PTPRT: variants seen among roughly 807,000 people sequenced by gnomAD.
PTPRT encodes protein tyrosine phosphatase receptor type T.
Under a neutral mutation model 176.8 loss-of-function variants are expected in PTPRT, and 56 were observed. That is an observed-to-expected ratio of 0.32 (90% CI 0.26 to 0.40). The LOEUF (loss-of-function observed/expected upper bound fraction) is 0.40, where lower values mean the gene tolerates loss of function less well. Ranked by LOEUF, PTPRT falls within the 10% of genes least tolerant of loss-of-function variation. The pLI is 1.00. For missense variants in PTPRT, 1,540 were observed against 1,908.2 expected (o/e 0.81, Z 3.60); for synonymous variants, 783 against 739.0 (o/e 1.06, Z -0.96).
intron 6 of PTPRT, among the ~76,000 whole-genome samples, chr20:42,728,586 A>T (rs1480617031): frequency 2.0e-5 from 3 of 152,160 alleles, no homozygotes; most frequent in Non-Finnish European, 4.4e-5. Flanking sequence ...ACACATATAC[A>T]GTATCTCATT....
chr20:42,567,402 C>A (rs2073060474), intron 7 of PTPRT, among the ~76,000 whole-genome samples: 1 of 152,198 alleles, frequency 6.6e-6, no homozygotes, highest in Non-Finnish European at 1.5e-5. Context: ...AAATGCACTT[C>A]TCTTCACCTG....
chr20:42,924,071 T>C (rs1979333245), intron 1 of PTPRT, among the ~76,000 whole-genome samples: 1 of 152,136 alleles, frequency 6.6e-6, no homozygotes, highest in African/African-American at 2.4e-5. Context: ...GCCAAGCTGG[T>C]CTCGAACTCC....
intron 16 of PTPRT, among the ~76,000 whole-genome samples, chr20:42,195,325 TC>T (rs1991170375): frequency 6.6e-6 from 1 of 152,192 alleles, no homozygotes; most frequent in Non-Finnish European, 1.5e-5. Flanking sequence ...CAATGCTGCC[TC>T]AACATTTGTA....
intron 2 of PTPRT, among the ~76,000 whole-genome samples, chr20:42,873,145 C>T (rs1484212664): frequency 6.6e-6 from 1 of 152,192 alleles, no homozygotes; most frequent in Non-Finnish European, 1.5e-5. Flanking sequence ...CAGAGCAAGG[C>T]AGAGACAGAA....
chr20:42,776,844 T>C (rs2077144366), intron 4 of PTPRT, among the ~76,000 whole-genome samples: 1 of 148,890 alleles, frequency 6.7e-6, no homozygotes, highest in Non-Finnish European at 1.5e-5. Flanking sequence ...TATACTTCTA[T>C]ATAATGCTTG....
intron 6 of PTPRT, among the ~76,000 whole-genome samples, chr20:42,743,904 C>T (rs2076651165): frequency 6.6e-6 from 1 of 152,170 alleles, no homozygotes; most frequent in Non-Finnish European, 1.5e-5. Context: ...CATGAGAATC[C>T]TTTCTAAATG....
intron 1 of PTPRT, among the ~76,000 whole-genome samples, chr20:42,901,253 C>T (rs1202818872): frequency 1.3e-5 from 2 of 152,110 alleles, no homozygotes; most frequent in Non-Finnish European, 2.9e-5. Context: ...ATCACCCTCA[C>T]GACCTGGTGT....
rs1266809432 is a variant in PTPRT, at chr20:42,961,855, C to A, written c.89-75923G>T. ...CAGTGAGGCCCAATGTAATCACAAA[C>A]GTCCTTATAAGTGAAGGAGCGGGGC... On this transcript the variant is annotated intron_variant, in intron 1 of 30. Coordinates refer to ENST00000373187, the MANE Select transcript of PTPRT (RefSeq NM_007050.6). 2.0e-5 allele frequency among the ~76,000 whole-genome samples: 3 copies of A among 152,132 alleles called. No individual in the cohort carries two copies. In the East Asian group the frequency reaches 5.8e-4, roughly 29 times the overall value.
chr20:42,153,290 C>T (rs1000918458), intron 17 of PTPRT, among the ~76,000 whole-genome samples: 6 of 152,222 alleles, frequency 3.9e-5, no homozygotes, highest in African/African-American at 1.2e-4. Flanking sequence ...GATTAGTGTT[C>T]ATAAAATAGA....
intron 2 of PTPRT, among the ~76,000 whole-genome samples, chr20:42,842,098 A>G (rs2078289159): frequency 6.6e-6 from 1 of 152,226 alleles, no homozygotes; most frequent in South Asian, 2.1e-4. Context: ...TTGTTACAAG[A>G]AGACCTTCTC....
At chr20:42,096,878 T>C (rs756665255) in intron 27 of PTPRT, among the ~76,000 whole-genome samples, 6 of 150,400 alleles carry the variant, frequency 4.0e-5, no homozygotes, top group African/African-American at 4.9e-5. Flanking sequence ...GCCCAGCCTC[T>C]AGACCCATCT....
At chr20:42,594,604 T>C (rs947182360) in intron 7 of PTPRT, among the ~76,000 whole-genome samples, 2 of 152,226 alleles carry the variant, frequency 1.3e-5, no homozygotes, top group Non-Finnish European at 2.9e-5. Context: ...CTGAGAGATG[T>C]GCACAGTATT....
intron 1 of PTPRT, among the ~76,000 whole-genome samples, chr20:42,933,750 T>C (rs1315441733): frequency 1.3e-5 from 2 of 152,178 alleles, no homozygotes; most frequent in Non-Finnish European, 2.9e-5. Context: ...TTGATTTACT[T>C]TAAAATGCAA....
chr20:43,078,576 A>G, intron 1 of PTPRT, among the ~76,000 whole-genome samples: 1 of 152,216 alleles, frequency 6.6e-6, no homozygotes. Flanking sequence ...AAATGAAACA[A>G]CAAATGCAAG....
chr20:42,995,466 G>A (rs1984170370), intron 1 of PTPRT, among the ~76,000 whole-genome samples: 1 of 152,082 alleles, frequency 6.6e-6, no homozygotes, highest in South Asian at 2.1e-4. Context: ...ACCCAATTTA[G>A]GCATCCACTT....
intron 1 of PTPRT, among the ~76,000 whole-genome samples, chr20:43,099,124 C>G (rs989578448): frequency 6.7e-6 from 1 of 148,748 alleles, no homozygotes; most frequent in Non-Finnish European, 1.5e-5. Context: ...CACACACACA[C>G]CCTGGATATC....
At chr20:43,016,378 G>A (rs989489945) in intron 1 of PTPRT, among the ~76,000 whole-genome samples, 1 of 151,838 alleles carries the variant, frequency 6.6e-6, no homozygotes, top group African/African-American at 2.4e-5. Context: ...CTCTCCCTCT[G>A]TTACTTCCCT....
At chr20:43,142,549 T>A (rs575011668) in intron 1 of PTPRT, among the ~76,000 whole-genome samples, 1 of 152,366 alleles carries the variant, frequency 6.6e-6, no homozygotes, top group East Asian at 1.9e-4. Flanking sequence ...GCCTGAAGAA[T>A]CGTGCTGCTT....
At chr20:42,106,632 C>T (rs1986468788) in intron 24 of PTPRT, among the ~76,000 whole-genome samples, 154 bp downstream of exon 24, 1 of 152,070 alleles carries the variant, frequency 6.6e-6, no homozygotes. Context: ...AGTAGTCTCA[C>T]CATAGTAAGC....
Sources: gnomAD v4.1 joint callset for allele counts (sites outside exome capture counted in the v4.1 genomes callset) on GRCh38, gnomAD v4.1.1 for gene constraint, MANE v1.5 for transcripts, NCBI Gene and HGNC (gene_info 2026-07-23, HGNC 2026-07-21) for gene names.